The following SPATA13 variants were observed in gnomAD, a reference collection of about 807,000 sequenced individuals.
The protein encoded by SPATA13 is spermatogenesis-associated protein 13.
Under a neutral mutation model 104.0 loss-of-function variants are expected in SPATA13, and 50 were observed. The ratio of observed to expected loss-of-function variants is 0.48; its 90% confidence interval spans 0.38 to 0.61. The LOEUF is 0.61. Ranked by LOEUF, SPATA13 falls within the 20% of genes least tolerant of loss-of-function variation. The probability of loss-of-function intolerance (pLI) is 0.00; values close to 1 mark genes in which losing one functional copy is unlikely to be tolerated. For synonymous variants in SPATA13, 606 were observed against 667.5 expected (o/e 0.91, Z 1.42); for missense variants, 1,524 against 1,690.6 (o/e 0.90, Z 1.73).
chr13:24,219,262 G>A (rs190104781), intron 1 of SPATA13, among the ~76,000 whole-genome samples: 210 of 152,194 alleles, frequency 1.4e-3, no homozygotes, highest in African/African-American at 4.9e-3. Context: ...CCAGGAAAAG[G>A]CTTTTTTTCC....
intron 3 of SPATA13, chr13:24,122,773 G>A (rs563690589): frequency 5.0e-6 from 4 of 794,044 alleles, no homozygotes; most frequent in East Asian, 4.9e-5. Flanking sequence ...AATACAAGGG[G>A]AAGTAGCTGC....
chr13:24,103,545 G>GAGAGAGAGAGAGAAC (rs1354736052), intron 3 of SPATA13, among the ~76,000 whole-genome samples: 1 of 146,008 alleles, frequency 6.8e-6, no homozygotes, highest in Non-Finnish European at 1.5e-5. Context: ...AGAGAGAGAA[G>GAGAGAGAGAGAGAAC]AGAGAGAGAG....
upstream of SPATA13, among the ~76,000 whole-genome samples, chr13:24,157,478 T>A (rs972842832): frequency 6.6e-6 from 1 of 152,098 alleles, no homozygotes; most frequent in African/African-American, 2.4e-5. Flanking sequence ...TTTTTTGTAT[T>A]TTTAGTAGAG....
intron 3 of SPATA13, among the ~76,000 whole-genome samples, chr13:24,071,561 C>G (rs1054823484): frequency 6.6e-5 from 10 of 152,184 alleles, no homozygotes; most frequent in African/African-American, 2.4e-4. Flanking sequence ...CTAGGGAAAA[C>G]CAGCACGCAG....
At chr13:24,256,801 T>A (rs1873812449) in intron 4 of SPATA13, among the ~76,000 whole-genome samples, 1 of 152,224 alleles carries the variant, frequency 6.6e-6, no homozygotes, top group Non-Finnish European at 1.5e-5. Flanking sequence ...ATAATAGAGT[T>A]GGGATAATGA....
At chr13:24,150,084 C>T (rs1451722040) in intron 3 of SPATA13, among the ~76,000 whole-genome samples, 8 of 151,982 alleles carry the variant, frequency 5.3e-5, no homozygotes, top group South Asian at 2.1e-4. Context: ...CTGGAGGAGA[C>T]GGAGCTGGGC....
In SPATA13 at chr13:24,190,795, A is replaced by G. The variant is rs539965468; in HGVS notation, c.-112+29863A>G. On this transcript the variant is annotated intron_variant, in intron 1 of 12. Coordinates refer to ENST00000382108, the MANE Select transcript of SPATA13 (RefSeq NM_001166271.3). ...CGGTTGAAATGACAACAAAGGATTT[A>G]GAATATTACATAAATTTAATTGATA... Among the ~76,000 whole-genome samples the G allele has an allele frequency of 2.6e-5, 4 of 152,358 alleles. No individual in the cohort carries two copies. In the South Asian group the frequency reaches 6.2e-4, roughly 24 times the overall value.
intron 3 of SPATA13, among the ~76,000 whole-genome samples, chr13:24,026,721 G>A (rs1488454997): frequency 1.3e-5 from 2 of 152,074 alleles, no homozygotes. Flanking sequence ...GGGACTACAG[G>A]TGCCCGCCAC....
chr13:24,295,006 A>T (rs1020755965), intron 10 of SPATA13, 138 bp downstream of exon 10: 3 of 850,900 alleles, frequency 3.5e-6, no homozygotes, highest in Admixed American at 6.1e-5. Flanking sequence ...TTAATGGTAA[A>T]TGTATTTCGA....
chr13:24,138,315 A>AAAAC (rs1555263886), intron 3 of SPATA13, among the ~76,000 whole-genome samples: 29 of 82,370 alleles, frequency 3.5e-4, no homozygotes, highest in East Asian at 5.2e-4. Context: ...GAAAAAAAAA[A>AAAAC]AAAAAACAGT....
At position 24,133,891 on chromosome 13, in the gene SPATA13, G is replaced by T. The variant is rs529967478; in HGVS notation, c.-111-88928G>T. ...GATGTGGCCTCCAGAAGAAGTGACA[G>T]CCTGCGTAGAATCAGACAGCGCATC... is the stretch of plus-strand genomic sequence containing the variant. On this transcript the variant is annotated intron_variant, in intron 3 of 14. Coordinates refer to the SPATA13 transcript ENST00000424834. Among the ~76,000 whole-genome samples, 6 of 152,352 alleles carry T rather than the reference G, an allele frequency of 3.9e-5. No homozygotes were observed. In the South Asian group the frequency reaches 1.2e-3, roughly 32 times the overall value.
intron 4 of SPATA13, among the ~76,000 whole-genome samples, chr13:24,274,656 C>T (rs939491207): frequency 6.6e-6 from 1 of 152,368 alleles, no homozygotes; most frequent in Middle Eastern, 3.4e-3. Context: ...CCTGGGCTTG[C>T]CATTTCTGTT....
chr13:24,227,847 G>C (rs929673753), intron 2 of SPATA13, among the ~76,000 whole-genome samples: 12 of 152,218 alleles, frequency 7.9e-5, no homozygotes, highest in African/African-American at 2.6e-4. Flanking sequence ...TAGGATTATA[G>C]GTGTGAGCCA....
chr13:24,059,952 G>T (rs541009644), intron 3 of SPATA13, among the ~76,000 whole-genome samples: 2 of 152,238 alleles, frequency 1.3e-5, no homozygotes, highest in African/African-American at 4.8e-5. Context: ...TCCAGCTTTT[G>T]TCTTTTCAGT....
intron 1 of SPATA13, among the ~76,000 whole-genome samples, chr13:24,179,025 TACA>T (rs1868618750): frequency 6.6e-6 from 1 of 152,226 alleles, no homozygotes; most frequent in Non-Finnish European, 1.5e-5. Context: ...AAATGATTCA[TACA>T]ACATGTGGCC....
intron 2 of SPATA13, among the ~76,000 whole-genome samples, chr13:23,986,388 A>T (rs1356211819): frequency 6.6e-6 from 1 of 152,222 alleles, no homozygotes; most frequent in Non-Finnish European, 1.5e-5. Context: ...ATGCTTATCG[A>T]GCCAAATTCC....
intron 4 of SPATA13, among the ~76,000 whole-genome samples, chr13:24,279,798 T>C (rs1183853454): frequency 6.6e-6 from 1 of 152,196 alleles, no homozygotes; most frequent in Non-Finnish European, 1.5e-5. Flanking sequence ...CCCAGGAATT[T>C]TCACTCCAGG....
At chr13:24,236,007 G>A (rs186334765) in intron 2 of SPATA13, among the ~76,000 whole-genome samples, 53 of 152,224 alleles carry the variant, frequency 3.5e-4, no homozygotes, top group Non-Finnish European at 1.8e-4. Flanking sequence ...TTTTGTATTT[G>A]CTTTAACAGA....
chr13:23,994,229 G>C, intron 2 of SPATA13, among the ~76,000 whole-genome samples: 1 of 152,184 alleles, frequency 6.6e-6, no homozygotes, highest in East Asian at 1.9e-4. Flanking sequence ...AAGTACCTTT[G>C]ACCAAACCTA....
Sources: allele counts gnomAD v4.1 joint callset (sites outside exome capture counted in the v4.1 genomes callset), GRCh38; gene constraint gnomAD v4.1.1; transcripts MANE v1.5; gene names NCBI Gene and HGNC (gene_info 2026-07-23, HGNC 2026-07-21).